MSI2: variants seen among roughly 807,000 people sequenced by gnomAD.
MSI2 encodes the protein musashi RNA binding protein 2, also known as RNA-binding protein Musashi homolog 2.
A neutral mutation model predicts 45.6 loss-of-function variants in MSI2; 17 were observed. The observed-to-expected ratio is 0.37, with a 90% CI of 0.26 to 0.56. The LOEUF is 0.56. Among genes scored for constraint, MSI2 ranks in the 20% least tolerant of loss-of-function variants. The pLI, the probability that MSI2 is intolerant of heterozygous loss-of-function variation, is 0.77. For synonymous variants in MSI2, 156 were observed against 158.2 expected (o/e 0.99, Z 0.11); for missense variants, 293 against 444.2 (o/e 0.66, Z 3.06).
intron 6 of MSI2, among the ~76,000 whole-genome samples, chr17:57,494,973 TA>T (rs886168697): frequency 3.3e-5 from 5 of 151,898 alleles, no homozygotes; most frequent in African/African-American, 1.2e-4. Flanking sequence ...AGGAGCCACT[TA>T]AAAAAAACAA....
At chr17:57,378,822 T>G (rs2083547255) in intron 5 of MSI2, among the ~76,000 whole-genome samples, 1 of 152,216 alleles carries the variant, frequency 6.6e-6, no homozygotes, top group Non-Finnish European at 1.5e-5. Context: ...GAGGAAGGAC[T>G]TGCCCCAAAC....
intron 4 of MSI2, 91 bp downstream of exon 4, chr17:57,258,445 C>A: frequency 9.3e-7 from 1 of 1,074,226 alleles, no homozygotes; most frequent in Non-Finnish European, 1.5e-6. Flanking sequence ...CCTTCTTTTG[C>A]TTCTGTGCTA....
chr17:57,548,372 G>A (rs2087220321), intron 7 of MSI2, among the ~76,000 whole-genome samples: 1 of 152,112 alleles, frequency 6.6e-6, no homozygotes, highest in South Asian at 2.1e-4. Flanking sequence ...GGTGGGAGTG[G>A]GGGCTTAATT....
At chr17:57,673,947 C>CTTT in intron 11 of MSI2, among the ~76,000 whole-genome samples, 1 of 145,282 alleles carries the variant, frequency 6.9e-6, no homozygotes, top group East Asian at 2.0e-4. Flanking sequence ...ACTTCTTTGT[C>CTTT]TTTTTTTTTT....
intron 10 of MSI2, among the ~76,000 whole-genome samples, chr17:57,634,971 T>G (rs1166261902): frequency 6.6e-6 from 1 of 152,268 alleles, no homozygotes; most frequent in African/African-American, 2.4e-5. Context: ...CTTGGTCACA[T>G]GACCAGTTTC....
intron 5 of MSI2, among the ~76,000 whole-genome samples, chr17:57,308,220 G>T (rs533286842): frequency 6.6e-6 from 1 of 152,160 alleles, no homozygotes; most frequent in Non-Finnish European, 1.5e-5. Context: ...AGTAAGTCAT[G>T]CGAGGTAAAT....
At chr17:57,389,171 G>T (rs1261386234) in intron 5 of MSI2, among the ~76,000 whole-genome samples, 1 of 151,592 alleles carries the variant, frequency 6.6e-6, no homozygotes, top group African/African-American at 2.4e-5. Context: ...TACAGACGGG[G>T]TTTCACCATA....
intron 11 of MSI2, among the ~76,000 whole-genome samples, chr17:57,655,229 CTT>C (rs751274037): frequency 3.9e-5 from 6 of 152,250 alleles, no homozygotes; most frequent in Middle Eastern, 3.4e-3. Flanking sequence ...TCAGTGGTCA[CTT>C]TTCTTTTCCC....
intron 6 of MSI2, among the ~76,000 whole-genome samples, chr17:57,526,980 C>T (rs1208729192): frequency 3.3e-5 from 5 of 152,036 alleles, no homozygotes; most frequent in Middle Eastern, 3.4e-3. Flanking sequence ...GTTGAGAGGG[C>T]GCTATTAGAA....
rs544738279 is a variant in MSI2, at chr17:57,372,656, T to TA, written c.313-28717dup. 3.9e-5 allele frequency among the ~76,000 whole-genome samples: 6 copies of TA among 152,302 alleles called. No homozygotes were observed. The South Asian group carries it at 1.2e-3, about 32-fold the overall frequency. On this transcript the variant is annotated intron_variant, in intron 5 of 13. Transcript: ENST00000284073. ...TATTATCAATGAATACTTTCTGCTG[T>TA]AAAAAATATAAATGATACAGAAACC... is the stretch of plus-strand genomic sequence containing the variant.
intron 11 of MSI2, among the ~76,000 whole-genome samples, chr17:57,673,903 A>G (rs1567971212): frequency 6.6e-6 from 1 of 151,784 alleles, no homozygotes; most frequent in Non-Finnish European, 1.5e-5. Context: ...TGGTTTAGCT[A>G]TGAATTGGTT....
intron 5 of MSI2, among the ~76,000 whole-genome samples, chr17:57,289,371 G>T (rs1910205565): frequency 6.6e-6 from 1 of 152,138 alleles, no homozygotes; most frequent in Admixed American, 6.5e-5. Flanking sequence ...GAGTTTGGTT[G>T]CAAGCTCCAC....
rs143000468 is a variant in MSI2 at position 57,669,982 on chromosome 17, C to T, written c.791-4990C>T. ...TCTTGAGGGCTGGCCCTGGCCTTTGCGGAAATGTGAGACCCACCACACCAG... is the reference window on the plus strand; with the variant it reads ...TCTTGAGGGCTGGCCCTGGCCTTTGTGGAAATGTGAGACCCACCACACCAG... On this transcript the variant is annotated intron_variant, in intron 11 of 13. Coordinates refer to ENST00000284073, the MANE Select transcript of MSI2 (RefSeq NM_138962.4). Among the ~76,000 whole-genome samples, 981 of 152,290 alleles carry T rather than the reference C, an allele frequency of 6.4e-3. 5 individuals carry two copies. Among genetic ancestry groups the T allele is most frequent in the Non-Finnish European group, 9.4e-3 (641 of 68,022 alleles).
intron 5 of MSI2, among the ~76,000 whole-genome samples, chr17:57,363,703 C>G (rs1916986530): frequency 6.6e-6 from 1 of 152,312 alleles, no homozygotes; most frequent in Admixed American, 6.5e-5. Flanking sequence ...GGCACCACTG[C>G]ACTCCAGCCT....
At chr17:57,256,295 G>A (rs934806933), upstream of MSI2, among the ~76,000 whole-genome samples, 14 of 151,730 alleles carry the variant, frequency 9.2e-5, no homozygotes, top group African/African-American at 1.2e-4. Flanking sequence ...CTCCGCCCGC[G>A]GGGTTCGCGC....
intron 5 of MSI2, chr17:57,294,888 CA>C (rs1465189252): frequency 3.3e-5 from 5 of 152,358 alleles, no homozygotes; most frequent in African/African-American, 1.2e-4. Flanking sequence ...GGGTGCAGGC[CA>C]GGGGGCTAGG....
intron 5 of MSI2, among the ~76,000 whole-genome samples, chr17:57,272,529 T>G (rs1908464933): frequency 6.6e-6 from 1 of 152,220 alleles, no homozygotes; most frequent in African/African-American, 2.4e-5. Context: ...GGTGGCATAA[T>G]TAAACATGGC....
intron 5 of MSI2, among the ~76,000 whole-genome samples, chr17:57,396,413 C>CCACACA (rs55688182): frequency 0.053 from 7,918 of 150,126 alleles, 254 homozygotes; most frequent in African/African-American, 0.079. Context: ...AGCACACACA[C>CCACACA]CACACACACA....
intron 8 of MSI2, among the ~76,000 whole-genome samples, chr17:57,605,574 C>A (rs1906472046): frequency 6.6e-6 from 1 of 152,200 alleles, no homozygotes; most frequent in African/African-American, 2.4e-5. Context: ...GAGGGGCTGC[C>A]CCCCCTTCTC....
Sources: allele counts gnomAD v4.1 joint callset (sites outside exome capture counted in the v4.1 genomes callset), GRCh38; gene constraint gnomAD v4.1.1; transcripts MANE v1.5; gene names NCBI Gene and HGNC (gene_info 2026-07-23, HGNC 2026-07-21).